MARCHF7: variants seen among roughly 807,000 people sequenced by gnomAD.
The protein encoded by MARCHF7 is E3 ubiquitin-protein ligase MARCHF7.
A neutral mutation model predicts 76.5 loss-of-function variants in MARCHF7; 20 were observed. The observed-to-expected ratio is 0.26, with a 90% confidence interval of 0.18 to 0.38. The LOEUF (loss-of-function observed/expected upper bound fraction) is 0.38. Ranked by LOEUF, MARCHF7 falls within the 10% of genes least tolerant of loss-of-function variation. The probability of loss-of-function intolerance (pLI) is 1.00; values close to 1 mark genes in which losing one functional copy is unlikely to be tolerated. For synonymous variants in MARCHF7, 295 were observed against 293.0 expected (o/e 1.01, Z -0.07); for missense variants, 797 against 812.9 (o/e 0.98, Z 0.24).
rs1708053827 is a variant in MARCHF7, at chr2:159,769,203, T to C, written c.*1861T>C. On this transcript the variant is annotated 3_prime_UTR_variant, in exon 12 of 12. Transcript: ENST00000409175. ...TTATTCTGAATATCTGCCAAAGAAT[T>C]ATATTGTTATTACTAGCTAGAACCA... 1 of 152,198 alleles carries C rather than the reference T, an allele frequency of 6.6e-6. No homozygotes were observed. The highest frequency in any genetic ancestry group is 1.5e-5 in the Non-Finnish European group (1 of 68,042). 9.4% of individuals were successfully genotyped at this position (152,198 alleles called of 1,614,324 possible).
In MARCHF7 at chr2:159,724,562, C is replaced by T. The variant is rs1429591334; in HGVS notation, c.-14-4447C>T. Among the ~76,000 whole-genome samples, 11 of 152,096 alleles carry T rather than the reference C, an allele frequency of 7.2e-5. No individual in the cohort carries two copies. In the East Asian group the frequency reaches 1.7e-3, roughly 24 times the overall value. ...TCCAGGAGGTTTCTGCAACTTACTCCCAGTCCTTATGTTGAATTTATTTCA... is the reference window on the plus strand; with the variant it reads ...TCCAGGAGGTTTCTGCAACTTACTCTCAGTCCTTATGTTGAATTTATTTCA... On this transcript the variant is annotated intron_variant, in intron 3 of 11. Coordinates refer to ENST00000409175, the MANE Select transcript of MARCHF7 (RefSeq NM_001282805.2).
intron 6 of MARCHF7, among the ~76,000 whole-genome samples, 183 bp from the exon 7 acceptor site, chr2:159,747,622 T>G (rs1705067742): frequency 6.6e-6 from 1 of 152,216 alleles, no homozygotes; most frequent in South Asian, 2.1e-4. Flanking sequence ...TACTGGATTT[T>G]ACCAGTAGGA....
chr2:159,749,567 C>T (rs533197921), intron 7 of MARCHF7, among the ~76,000 whole-genome samples: 32 of 152,174 alleles, frequency 2.1e-4, no homozygotes, highest in African/African-American at 6.7e-4. Context: ...AGGCTGGTCT[C>T]GAACTCCTGA....
chr2:159,732,896 GCCACATCTAT>G, intron 4 of MARCHF7: 5 of 985,122 alleles, frequency 5.1e-6, no homozygotes, highest in Non-Finnish European at 6.0e-6. Context: ...TCTTCATACA[GCCACATCTAT>G]ATGTGAGATG....
Position 159,768,143 on chromosome 2 carries a change from C to T in MARCHF7, c.*801C>T, listed in dbSNP as rs1291339546. ...AAGTTAATGGAATATTTTTAAATCC[C>T]ACATTCAGAGTTTAAAACACTGGTT... On this transcript the variant is annotated 3_prime_UTR_variant, in exon 12 of 12. Coordinates refer to ENST00000409175, the MANE Select transcript of MARCHF7 (RefSeq NM_001282805.2). 6.6e-6 allele frequency: 1 copy of T among 152,512 alleles called. No homozygotes were observed. Among genetic ancestry groups the T allele is most frequent in the Admixed American group, 6.6e-5 (1 of 15,256 alleles). The allele number at this position is 152,512 out of a possible 1,614,324, so 9.4% of individuals were successfully genotyped here.
chr2:159,745,589 G>A (rs1051667404), intron 5 of MARCHF7, among the ~76,000 whole-genome samples, 181 bp from the exon 6 acceptor site: 1 of 152,164 alleles, frequency 6.6e-6, no homozygotes, highest in Non-Finnish European at 1.5e-5. Context: ...CCAGAAGGTG[G>A]AGGTTGCTGT....
intron 9 of MARCHF7, among the ~76,000 whole-genome samples, chr2:159,762,426 AATTC>A (rs1363507893): frequency 6.6e-6 from 1 of 152,226 alleles, no homozygotes; most frequent in Non-Finnish European, 1.5e-5. Flanking sequence ...TACCTTTATT[AATTC>A]ATTCTTTTAT....
At chr2:159,712,879 G>A (rs1353083033) in intron 1 of MARCHF7, among the ~76,000 whole-genome samples, 2 of 152,190 alleles carry the variant, frequency 1.3e-5, no homozygotes, top group African/African-American at 4.8e-5. Context: ...AGTTTGTGGC[G>A]GGTGCAGGGG....
At chr2:159,715,491 T>C (rs1044271996) in intron 2 of MARCHF7, among the ~76,000 whole-genome samples, 190 bp from the exon 3 acceptor site, 3 of 151,908 alleles carry the variant, frequency 2.0e-5, no homozygotes, top group Non-Finnish European at 2.9e-5. Flanking sequence ...GGACTACAGG[T>C]GCGCGCCACC....
At position 159,763,012 on chromosome 2, in the gene MARCHF7, G is replaced by A; in HGVS notation, c.2007+19G>A. 4.5e-6 allele frequency: 7 copies of A among 1,543,506 alleles called. No individual in the cohort carries two copies. Among genetic ancestry groups the A allele is most frequent in the Non-Finnish European group, 6.3e-6 (7 of 1,119,594 alleles). On this transcript the variant is annotated intron_variant, in intron 10 of 11. Transcript: ENST00000409175. ...TGTCCGAGTAAGTAATAATGAAGTT[G>A]GGGAGAGGGAGGGTATGATGCAGCA...
chr2:159,767,307 G>C lies in MARCHF7; in HGVS notation c.2080G>C (p.Asp694His). 6.2e-7 allele frequency: 1 copy of C among 1,611,804 alleles called. No homozygotes were observed. The highest frequency in any genetic ancestry group is 8.5e-7 in the Non-Finnish European group (1 of 1,178,538). Reference protein sequence around the residue: ...LETSEDDSEEDGDHNRTFDIA With the variant: ...LETSEDDSEEHGDHNRTFDIA ...AGCTTCAGAGGATGATTCCGAAGAA[G>C]ACGGAGACCATAACAGGACATTTGA... Residue 694 changes from aspartate to histidine, a missense_variant, in exon 12 of 12, where the codon GAC becomes CAC. Asp to His is a moderately conservative substitution (Grantham distance 81). This residue lies in a region of MARCHF7 where 124 missense variants were observed against 121.3 expected (regional missense o/e 1.02). Coordinates refer to ENST00000409175, the MANE Select transcript of MARCHF7 (RefSeq NM_001282805.2).
At chr2:159,724,657 T>A (rs147928017) in intron 3 of MARCHF7, among the ~76,000 whole-genome samples, 131 of 152,346 alleles carry the variant, frequency 8.6e-4, no homozygotes, top group African/African-American at 2.9e-3. Flanking sequence ...TGTCTTTGTA[T>A]TCTCACACAT....
At chr2:159,737,890 G>T (rs1703651413) in intron 4 of MARCHF7, among the ~76,000 whole-genome samples, 1 of 152,230 alleles carries the variant, frequency 6.6e-6, no homozygotes, top group Non-Finnish European at 1.5e-5. Flanking sequence ...ACAGCTGTCA[G>T]CACTTGGAGT....
chr2:159,755,668 G>A lies in MARCHF7; in HGVS notation c.1783+3097G>A, dbSNP rs184367168. ...GGAATTTACTGATATTAGACCACGAGTACCAGGGGACATAGAAACAACTAG... is the reference window on the plus strand; with the variant it reads ...GGAATTTACTGATATTAGACCACGAATACCAGGGGACATAGAAACAACTAG... On this transcript the variant is annotated intron_variant, in intron 8 of 11. Coordinates refer to ENST00000409175, the MANE Select transcript of MARCHF7 (RefSeq NM_001282805.2). Among the ~76,000 whole-genome samples the A allele has an allele frequency of 7.0e-3, 1,073 of 152,304 alleles. 5 individuals carry two copies. Among genetic ancestry groups the A allele is most frequent in the Non-Finnish European group, 0.013 (870 of 68,018 alleles).
chr2:159,730,353 T>C (rs1452321212), intron 4 of MARCHF7, among the ~76,000 whole-genome samples: 1 of 152,138 alleles, frequency 6.6e-6, no homozygotes, highest in African/African-American at 2.4e-5. Flanking sequence ...GTTAAGTATT[T>C]ATATATTTAT....
At chr2:159,739,667 C>A (rs1038854225) in intron 4 of MARCHF7, among the ~76,000 whole-genome samples, 4 of 152,086 alleles carry the variant, frequency 2.6e-5, no homozygotes, top group African/African-American at 7.2e-5. Context: ...GGGAAAAAAA[C>A]AATTGCTTCA....
intron 1 of MARCHF7, among the ~76,000 whole-genome samples, chr2:159,713,522 T>C (rs4664299): frequency 0.67 from 102,159 of 152,052 alleles, 35,953 homozygotes; most frequent in Non-Finnish European, 0.78. Context: ...GCTATTTTTC[T>C]GATTACATGT....
In MARCHF7 at chr2:159,743,174, A is replaced by C; in HGVS notation, c.267A>C (p.Ser89=). Residue 89 remains serine (S), a synonymous_variant, in exon 5 of 12, where the codon TCA becomes TCC. Coordinates refer to ENST00000409175, the MANE Select transcript of MARCHF7 (RefSeq NM_001282805.2). ...RSQNQQRDHD[S]KRPKLSCTNC... is the part of the protein sequence containing the mutation. ...AGAACCAGCAACGGGATCATGATTC[A>C]AAAAGACCTAAACTTTCCTGTACAA... 5 of 1,614,238 alleles carry C rather than the reference A, an allele frequency of 3.1e-6. No individual in the cohort carries two copies. The highest frequency in any genetic ancestry group is 4.2e-6 in the Non-Finnish European group (5 of 1,180,042).
chr2:159,746,920 A>G, intron 6 of MARCHF7, among the ~76,000 whole-genome samples: 1 of 152,188 alleles, frequency 6.6e-6, no homozygotes, highest in East Asian at 1.9e-4. Context: ...TTGGCTTTGG[A>G]TGGTAGAGCT....
Sources: allele counts gnomAD v4.1 joint callset (sites outside exome capture counted in the v4.1 genomes callset), GRCh38; gene constraint gnomAD v4.1.1; regional missense constraint gnomAD v4.1.1; transcripts MANE v1.5; gene names NCBI Gene and HGNC (gene_info 2026-07-23, HGNC 2026-07-21).